The following CLPTM1 variants were observed in gnomAD, a reference collection of about 807,000 sequenced individuals.
The protein encoded by CLPTM1 is putative lipid scramblase CLPTM1.
A neutral mutation model predicts 77.3 loss-of-function variants in CLPTM1; 21 were observed. That is an observed-to-expected ratio of 0.27 (90% confidence interval 0.19 to 0.39). CLPTM1 has a LOEUF of 0.39. Ranked by LOEUF, CLPTM1 falls within the 10% of genes least tolerant of loss-of-function variation. The probability of loss-of-function intolerance (pLI) is 1.00; values close to 1 mark genes in which losing one functional copy is unlikely to be tolerated. For synonymous variants in CLPTM1, 373 were observed against 381.0 expected (o/e 0.98, Z 0.24); for missense variants, 642 against 921.2 (o/e 0.70, Z 3.92).
At position 44,990,351 on chromosome 19, in the gene CLPTM1, G is replaced by A. The variant is rs1205883355; in HGVS notation, c.1133-44G>A. On this transcript the variant is annotated intron_variant, in intron 9 of 13. Transcript: ENST00000337392. The surrounding 1 kb of genome is among the most constrained non-coding windows in gnomAD (Gnocchi z 4.8). ...CTGAGGGAGCTGCAGTAGGGTCTCA[G>A]CACCTCCTCAGCCTCCTGGTTCCCC... is the stretch of plus-strand genomic sequence containing the variant. 6.3e-7 allele frequency: 1 copy of A among 1,596,616 alleles called. No homozygotes were observed. The highest frequency in any genetic ancestry group is 2.2e-5 in the East Asian group (1 of 44,704).
chr19:44,955,594 C>T (rs1016974399), intron 1 of CLPTM1, 127 bp downstream of exon 1: 4 of 969,188 alleles, frequency 4.1e-6, no homozygotes, highest in Admixed American at 4.3e-5. Flanking sequence ...ACCTTGAATA[C>T]CCGGCCCAGG....
At chr19:44,977,313 C>T (rs759329378) in intron 4 of CLPTM1, 30 bp from the exon 5 acceptor site, 8 of 1,560,946 alleles carry the variant, frequency 5.1e-6, no homozygotes, top group Admixed American at 3.3e-5. Context: ...AGTTGCCCAG[C>T]CTGCCCACCT....
In CLPTM1 at chr19:44,990,194, G is replaced by T. The variant is rs1008266537; in HGVS notation, c.1133-201G>T. On this transcript the variant is annotated intron_variant, in intron 9 of 13. Transcript: ENST00000337392. The surrounding 1 kb of genome is among the most constrained non-coding windows in gnomAD (Gnocchi z 4.8). ...GACGTCCTATGGGAGGGCTCCAGGG[G>T]TGCCGCCTGTCTGGTGCTCTGGGGG... 6 of 590,234 alleles carry T rather than the reference G, an allele frequency of 1.0e-5. No individual in the cohort carries two copies. The Admixed American group carries it at 1.2e-4, about 12-fold the overall frequency. The allele number at this position is 590,234 out of a possible 1,614,324, so 36.6% of individuals were successfully genotyped here.
chr19:44,954,949 T>C (rs1254149206), upstream of CLPTM1: 1 of 1,525,810 alleles, frequency 6.6e-7, no homozygotes, highest in Admixed American at 2.0e-5. Flanking sequence ...CCAGAAAGGT[T>C]CCTCTGACGA....
At chr19:44,981,123 G>A (rs920456370) in intron 5 of CLPTM1, among the ~76,000 whole-genome samples, 14 of 151,448 alleles carry the variant, frequency 9.2e-5, no homozygotes, top group Admixed American at 8.5e-4. Context: ...TTACAGGCAT[G>A]AGCCAGCGCG....
At chr19:44,964,121 C>A (rs906606366) in intron 2 of CLPTM1, among the ~76,000 whole-genome samples, 18 of 151,744 alleles carry the variant, frequency 1.2e-4, no homozygotes, top group African/African-American at 4.4e-4. Context: ...GTACTCCAGT[C>A]TGGGCATCAG....
chr19:44,974,881 G>A (rs963298960), intron 4 of CLPTM1, among the ~76,000 whole-genome samples: 1 of 152,170 alleles, frequency 6.6e-6, no homozygotes, highest in African/African-American at 2.4e-5. Flanking sequence ...ATTAGTAATT[G>A]TCCTTGGGGA....
chr19:44,982,623 T>C (rs890458580), intron 5 of CLPTM1, among the ~76,000 whole-genome samples: 7 of 152,238 alleles, frequency 4.6e-5, no homozygotes, highest in African/African-American at 1.7e-4. Context: ...AGCGCTGCCC[T>C]CTGGGGCTCT....
In CLPTM1 at chr19:44,987,714, C is replaced by CT. The variant is rs1568389306; in HGVS notation, c.1038+292dup. ...TGTGTCCCTGGCCCTGGCTCCAACT[C>CT]TGTGTCTCTGCCATCTCACTGGGTC... is the stretch of plus-strand genomic sequence containing the variant. On this transcript the variant is annotated intron_variant, in intron 8 of 13. Coordinates refer to ENST00000337392, the MANE Select transcript of CLPTM1 (RefSeq NM_001294.4). The CT allele has an allele frequency of 6.0e-5, 33 of 550,594 alleles. 1 individual carries two copies. The South Asian group carries it at 6.8e-4, about 11-fold the overall frequency. 34.1% of individuals were successfully genotyped at this position (550,594 alleles called of 1,614,324 possible).
At chr19:44,961,345 G>C (rs962863385) in intron 1 of CLPTM1, among the ~76,000 whole-genome samples, 1 of 152,198 alleles carries the variant, frequency 6.6e-6, no homozygotes, top group Admixed American at 6.5e-5. Flanking sequence ...CCTCAGGAAT[G>C]GTTTGCCCAG....
chr19:44,975,706 G>A (rs982427875), intron 4 of CLPTM1, among the ~76,000 whole-genome samples: 2 of 152,118 alleles, frequency 1.3e-5, no homozygotes, highest in Non-Finnish European at 2.9e-5. Flanking sequence ...TGGGACTAAG[G>A]CACACATGAT....
rs1213455420 is a variant in CLPTM1 at position 44,992,941 on chromosome 19, C to T, written c.*44C>T. 4.4e-6 allele frequency: 7 copies of T among 1,589,970 alleles called. No individual in the cohort carries two copies. Among genetic ancestry groups the T allele is most frequent in the Admixed American group, 1.7e-5 (1 of 57,446 alleles). On this transcript the variant is annotated 3_prime_UTR_variant, in exon 14 of 14. Coordinates refer to ENST00000337392, the MANE Select transcript of CLPTM1 (RefSeq NM_001294.4). The surrounding 1 kb of genome is among the most constrained non-coding windows in gnomAD (Gnocchi z 7.7). Reference sequence around the variant, plus strand: ...TGCTCCGGCTCCTGGCGACCACTACCCCTGCGTCCCGGCCCCCTCGCCTCC... The same window carrying T: ...TGCTCCGGCTCCTGGCGACCACTACTCCTGCGTCCCGGCCCCCTCGCCTCC...
chr19:44,992,810 G>C lies in CLPTM1; in HGVS notation c.1923G>C (p.Leu641=). ...TATREEASTS[L]PTKPTQGASS... ...CCAGGGAGGAGGCCTCCACGTCCCT[G>C]CCCACCAAGCCCACCCAGGGGGCCA... is the stretch of plus-strand genomic sequence containing the variant. The change falls in exon 14 of 14, where the codon CTG becomes CTC. Residue 641 remains leucine, a synonymous_variant. Coordinates refer to ENST00000337392, the MANE Select transcript of CLPTM1 (RefSeq NM_001294.4). This position sits in a 1 kb window ranked among gnomAD's most constrained non-coding sequence, Gnocchi z 7.7. The C allele has an allele frequency of 6.8e-6, 11 of 1,613,338 alleles. No homozygotes were observed. Among genetic ancestry groups the C allele is most frequent in the Non-Finnish European group, 9.3e-6 (11 of 1,179,850 alleles).
chr19:44,972,329 C>G (rs926232487), intron 2 of CLPTM1, among the ~76,000 whole-genome samples: 1 of 151,734 alleles, frequency 6.6e-6, no homozygotes, highest in Non-Finnish European at 1.5e-5. Context: ...CTCACTGCAA[C>G]CTCTGCCTCC....
At position 44,992,830 on chromosome 19, in the gene CLPTM1, G is replaced by T. The variant is rs775586434; in HGVS notation, c.1943G>T (p.Gly648Val). 1 of 1,613,692 alleles carries T rather than the reference G, an allele frequency of 6.2e-7. No individual in the cohort carries two copies. Among genetic ancestry groups the T allele is most frequent in the Non-Finnish European group, 8.5e-7 (1 of 1,179,884 alleles). The change falls in exon 14 of 14, where the codon GGG becomes GTG. Residue 648 changes from glycine to valine, a missense_variant. By Grantham distance (109) the Gly-to-Val change is moderately radical (BLOSUM62 -3). Transcript: ENST00000337392. This position sits in a 1 kb window ranked among gnomAD's most constrained non-coding sequence, Gnocchi z 7.7. ...TCCCTGCCCACCAAGCCCACCCAGG[G>T]GGCCAGCTCTGCCAGCGAGCCCCAG... is the stretch of plus-strand genomic sequence containing the variant. Reference protein sequence around the residue: ...STSLPTKPTQGASSASEPQEA... With the variant: ...STSLPTKPTQVASSASEPQEA...
intron 7 of CLPTM1, 117 bp downstream of exon 7, chr19:44,986,692 C>T (rs34112623): frequency 0.055 from 73,341 of 1,326,204 alleles, 3,257 homozygotes; most frequent in African/African-American, 0.22. Context: ...GCTCCACCCT[C>T]CCAAGCTCCC....
intron 6 of CLPTM1, among the ~76,000 whole-genome samples, chr19:44,985,552 A>C (rs1255813186): frequency 1.3e-5 from 2 of 152,192 alleles, no homozygotes; most frequent in East Asian, 3.9e-4. Flanking sequence ...AGGGGTCTAC[A>C]TCACAGTCCC....
chr19:44,963,976 C>CT (rs1237841263), intron 2 of CLPTM1, among the ~76,000 whole-genome samples: 1 of 151,188 alleles, frequency 6.6e-6, no homozygotes, highest in Non-Finnish European at 1.5e-5. Flanking sequence ...CTATGTTGAC[C>CT]AGGCTGGTCT....
chr19:44,966,608 G>A (rs1970633322), intron 2 of CLPTM1, among the ~76,000 whole-genome samples: 2 of 152,112 alleles, frequency 1.3e-5, no homozygotes, highest in Admixed American at 1.3e-4. Context: ...CCACCTCTGA[G>A]CTCTGTGGCC....
Sources: gnomAD v4.1 joint callset for allele counts (sites outside exome capture counted in the v4.1 genomes callset) on GRCh38, gnomAD v4.1.1 for gene constraint, Gnocchi (gnomAD v3.1) non-coding constraint, MANE v1.5 for transcripts, NCBI Gene and HGNC (gene_info 2026-07-23, HGNC 2026-07-21) for gene names.